SNX29: variants seen among roughly 807,000 people sequenced by gnomAD.
SNX29 encodes the protein sorting nexin 29.
Under a neutral mutation model 102.1 loss-of-function variants are expected in SNX29, and 78 were observed. The ratio of observed to expected loss-of-function variants is 0.76; its 90% CI spans 0.64 to 0.92. The LOEUF is 0.92. Among genes scored for constraint, SNX29 ranks in the 40% least tolerant of loss-of-function variants. SNX29 has a pLI of 0.00. For synonymous variants in SNX29, 580 were observed against 414.5 expected (o/e 1.40, Z -4.85); for missense variants, 1,280 against 1,061.7 (o/e 1.21, Z -2.86).
rs190113063 is a variant in SNX29 at position 12,561,278 on chromosome 16, A to C, written c.2319-7228A>C. On this transcript the variant is annotated intron_variant, in intron 20 of 20. Coordinates refer to ENST00000566228, the MANE Select transcript of SNX29 (RefSeq NM_032167.5). ...CTCCACAGATCCAAGGGGCTAAGACACAGGGAGAACATTCTCCATGATCTT... is the reference window on the plus strand; with the variant it reads ...CTCCACAGATCCAAGGGGCTAAGACCCAGGGAGAACATTCTCCATGATCTT... 373 of 230,322 alleles carry C rather than the reference A, an allele frequency of 1.6e-3. 1 individual carries two copies. The highest frequency in any genetic ancestry group is 7.9e-3 in the African/African-American group (359 of 45,308). The allele number at this position is 230,322 out of a possible 1,614,324, so 14.3% of individuals were successfully genotyped here. A position where few individuals can be genotyped will look rare whatever the true frequency, so the allele number is the denominator to read the frequency against.
intron 14 of SNX29, among the ~76,000 whole-genome samples, chr16:12,234,209 T>C (rs1479005803): frequency 6.6e-6 from 1 of 152,166 alleles, no homozygotes; most frequent in Non-Finnish European, 1.5e-5. Flanking sequence ...ACACTTGTTA[T>C]TGTCTGTCTT....
At chr16:12,260,947 G>C (rs71385198) in intron 14 of SNX29, among the ~76,000 whole-genome samples, 28 of 151,026 alleles carry the variant, frequency 1.9e-4, no homozygotes, top group Non-Finnish European at 3.7e-4. Context: ...GCTGGAGTGA[G>C]TATTTGCTGA....
chr16:12,323,432 T>A (rs764552923), intron 15 of SNX29, among the ~76,000 whole-genome samples: 1 of 151,306 alleles, frequency 6.6e-6, no homozygotes, highest in Non-Finnish European at 1.5e-5. Flanking sequence ...TTGCCATCAA[T>A]AGAAAAATAA....
intron 11 of SNX29, among the ~76,000 whole-genome samples, chr16:12,106,568 G>T (rs1181752392): frequency 6.6e-6 from 1 of 151,808 alleles, no homozygotes; most frequent in Non-Finnish European, 1.5e-5. Flanking sequence ...CCACTTCCCG[G>T]TCTCAATTGA....
chr16:12,030,074 C>G (rs1411054833), intron 4 of SNX29, among the ~76,000 whole-genome samples: 1 of 152,222 alleles, frequency 6.6e-6, no homozygotes, highest in Non-Finnish European at 1.5e-5. Flanking sequence ...GAGGATCTGA[C>G]TTTGAAACAC....
chr16:12,175,754 G>T (rs1468154707), intron 13 of SNX29, among the ~76,000 whole-genome samples: 1 of 151,998 alleles, frequency 6.6e-6, no homozygotes, highest in Non-Finnish European at 1.5e-5. Flanking sequence ...CATAATCCCA[G>T]CACTTTGGGA....
chr16:12,542,029 CTTTTTT>C (rs993726374), intron 20 of SNX29, among the ~76,000 whole-genome samples: 1 of 152,058 alleles, frequency 6.6e-6, no homozygotes, highest in Admixed American at 6.6e-5. Context: ...TCTGTTTTTT[CTTTTTT>C]TAATTAGTTT....
intron 3 of SNX29, among the ~76,000 whole-genome samples, chr16:12,025,773 T>A (rs1239491237): frequency 1.3e-5 from 2 of 152,096 alleles, no homozygotes; most frequent in Non-Finnish European, 2.9e-5. Context: ...GAGTAAAGAT[T>A]GAGTAAGGTA....
chr16:12,422,264 GCAAA>G (rs2084904317), intron 18 of SNX29, among the ~76,000 whole-genome samples: 1 of 152,166 alleles, frequency 6.6e-6, no homozygotes, highest in Admixed American at 6.5e-5. Flanking sequence ...TTACCCATCT[GCAAA>G]CAGAGATGAA....
At chr16:12,390,071 T>C (rs766421498) in intron 16 of SNX29, among the ~76,000 whole-genome samples, 3 of 152,172 alleles carry the variant, frequency 2.0e-5, no homozygotes, top group South Asian at 2.1e-4. Context: ...GCTTTTCTTA[T>C]AGGTGATCCT....
intron 5 of SNX29, among the ~76,000 whole-genome samples, chr16:12,044,128 C>G (rs998198080): frequency 6.6e-6 from 1 of 152,212 alleles, no homozygotes; most frequent in Admixed American, 6.5e-5. Context: ...CGGAGCGACA[C>G]TGACGAATCC....
At chr16:12,490,837 A>C (rs76925574) in intron 19 of SNX29, among the ~76,000 whole-genome samples, 60 of 152,378 alleles carry the variant, frequency 3.9e-4, no homozygotes, top group East Asian at 3.9e-3. Context: ...ACACACACGT[A>C]TAACCATCCA....
At chr16:12,302,688 C>T (rs983764065) in intron 15 of SNX29, among the ~76,000 whole-genome samples, 4 of 152,200 alleles carry the variant, frequency 2.6e-5, no homozygotes, top group Admixed American at 6.5e-5. Context: ...AATTTCATTG[C>T]GCTTTTGAGG....
At chr16:11,976,851 GC>G (rs1229153375) in intron 1 of SNX29, 38 bp downstream of exon 1, 1 of 1,336,348 alleles carries the variant, frequency 7.5e-7, no homozygotes, top group Non-Finnish European at 9.6e-7. Flanking sequence ...TGCCCCGGCC[GC>G]CCCGGCTCCC....
intron 20 of SNX29, among the ~76,000 whole-genome samples, chr16:12,566,488 G>C (rs928696650): frequency 6.6e-6 from 1 of 152,224 alleles, no homozygotes; most frequent in Non-Finnish European, 1.5e-5. Flanking sequence ...AATGATGATG[G>C]TGGTTGCAGG....
At chr16:12,519,304 G>T (rs371406319) in intron 19 of SNX29, among the ~76,000 whole-genome samples, 2 of 152,154 alleles carry the variant, frequency 1.3e-5, no homozygotes, top group Admixed American at 6.5e-5. Context: ...CCAGGTGATC[G>T]CAGGGGGAGT....
intron 19 of SNX29, among the ~76,000 whole-genome samples, chr16:12,506,241 G>A (rs1597650518): frequency 6.6e-6 from 1 of 152,148 alleles, no homozygotes; most frequent in Admixed American, 6.6e-5. Flanking sequence ...GATTACAGGC[G>A]TGAGCCACCA....
chr16:12,119,912 G>C (rs1315128600), intron 11 of SNX29, among the ~76,000 whole-genome samples: 1 of 152,198 alleles, frequency 6.6e-6, no homozygotes, highest in Non-Finnish European at 1.5e-5. Context: ...GGTGCCTCTC[G>C]CATTGCTGGG....
chr16:12,226,804 C>T (rs2077624491), intron 14 of SNX29, among the ~76,000 whole-genome samples: 1 of 152,024 alleles, frequency 6.6e-6, no homozygotes, highest in Admixed American at 6.6e-5. Context: ...TCTCGAACTC[C>T]CGACCTTAGA....
Sources: allele counts gnomAD v4.1 joint callset (sites outside exome capture counted in the v4.1 genomes callset), GRCh38; gene constraint gnomAD v4.1.1; transcripts MANE v1.5; gene names NCBI Gene and HGNC (gene_info 2026-07-23, HGNC 2026-07-21).